MEMO1: variants seen among roughly 807,000 people sequenced by gnomAD.
The protein encoded by MEMO1 is protein MEMO1.
In MEMO1, 6 loss-of-function variants were observed where a neutral mutation model predicts 45.2. The ratio of observed to expected loss-of-function variants is 0.13; its 90% CI spans 0.07 to 0.26. MEMO1 has a LOEUF of 0.26. MEMO1 is among the 10% of genes least tolerant of loss of function. The pLI, the probability that MEMO1 is intolerant of heterozygous loss-of-function variation, is 1.00. For missense variants in MEMO1, 184 were observed against 370.5 expected (o/e 0.50, Z 4.13); for synonymous variants, 78 against 124.3 (o/e 0.63, Z 2.48).
At chr2:31,975,874 C>G (rs940373300) in intron 2 of MEMO1, among the ~76,000 whole-genome samples, 1 of 152,076 alleles carries the variant, frequency 6.6e-6, no homozygotes, top group Non-Finnish European at 1.5e-5. Context: ...AACTAAGACT[C>G]TTAATATAGT....
chr2:31,899,799 A>G (rs141466266), intron 6 of MEMO1, among the ~76,000 whole-genome samples: 19,833 of 152,280 alleles, frequency 0.13, 1,443 homozygotes, highest in Middle Eastern at 0.21. Context: ...CAAAGGGCTA[A>G]TATCTAGAAT....
intron 9 of MEMO1, 108 bp downstream of exon 9, chr2:31,869,740 C>A: frequency 8.3e-7 from 1 of 1,208,412 alleles, no homozygotes; most frequent in South Asian, 1.8e-5. Flanking sequence ...TAAAAAGAAA[C>A]TTGACCATAG....
intron 2 of MEMO1, among the ~76,000 whole-genome samples, chr2:31,965,016 C>T (rs1299196338): frequency 4.6e-5 from 7 of 151,828 alleles, no homozygotes; most frequent in Admixed American, 3.3e-4. Flanking sequence ...GAATTTGAGA[C>T]GAGTCTGGCC....
At chr2:31,941,879 C>A (rs1021358118) in intron 3 of MEMO1, among the ~76,000 whole-genome samples, 1 of 152,124 alleles carries the variant, frequency 6.6e-6, no homozygotes, top group African/African-American at 2.4e-5. Context: ...TAATAGTAGG[C>A]TCTTTATGTG....
At chr2:31,945,660 C>T (rs1572766183) in intron 2 of MEMO1, among the ~76,000 whole-genome samples, 1 of 152,346 alleles carries the variant, frequency 6.6e-6, no homozygotes, top group South Asian at 2.1e-4. Context: ...ATAACCATCT[C>T]TTTCAAATGA....
At chr2:31,954,622 C>A (rs997896435) in intron 2 of MEMO1, among the ~76,000 whole-genome samples, 2 of 152,042 alleles carry the variant, frequency 1.3e-5, no homozygotes, top group African/African-American at 4.8e-5. Context: ...CATCTGAAGT[C>A]AGGAGTTCAA....
chr2:32,002,298 CATATACAT>C (rs1673490752), intron 2 of MEMO1, among the ~76,000 whole-genome samples: 2 of 145,312 alleles, frequency 1.4e-5, no homozygotes, highest in South Asian at 4.2e-4. Flanking sequence ...TATACATATA[CATATACAT>C]ATATACATAC....
At chr2:31,959,339 T>A (rs1667745326) in intron 2 of MEMO1, among the ~76,000 whole-genome samples, 2 of 152,074 alleles carry the variant, frequency 1.3e-5, no homozygotes, top group Admixed American at 1.3e-4. Flanking sequence ...GAGATACAGG[T>A]ACTTGGGCAG....
intron 3 of MEMO1, among the ~76,000 whole-genome samples, chr2:31,936,729 TG>T: frequency 6.6e-6 from 1 of 152,308 alleles, no homozygotes; most frequent in Non-Finnish European, 1.5e-5. Context: ...GGGTCACAGG[TG>T]AACAGTATAA....
intron 2 of MEMO1, among the ~76,000 whole-genome samples, chr2:31,968,607 A>C (rs1459122844): frequency 6.6e-6 from 1 of 152,220 alleles, no homozygotes; most frequent in Non-Finnish European, 1.5e-5. Context: ...TTAATTACAA[A>C]GGAGGTCTCC....
intron 6 of MEMO1, among the ~76,000 whole-genome samples, chr2:31,904,517 C>T (rs1309904115): frequency 6.6e-6 from 1 of 152,212 alleles, no homozygotes; most frequent in Non-Finnish European, 1.5e-5. Context: ...GAACAGTACA[C>T]ACCTGTAACT....
At chr2:31,985,593 T>A (rs1469027866) in intron 2 of MEMO1, among the ~76,000 whole-genome samples, 1 of 152,240 alleles carries the variant, frequency 6.6e-6, no homozygotes, top group Non-Finnish European at 1.5e-5. Context: ...CCCAAAGTGC[T>A]GGGATTACAG....
intron 2 of MEMO1, among the ~76,000 whole-genome samples, chr2:31,984,964 G>C (rs912756184): frequency 6.6e-6 from 1 of 152,190 alleles, no homozygotes; most frequent in African/African-American, 2.4e-5. Context: ...GTTAACAGTA[G>C]GGGAAAATCG....
At chr2:31,943,546 T>C (rs1665861119) in intron 2 of MEMO1, among the ~76,000 whole-genome samples, 163 bp from the exon 3 acceptor site, 1 of 152,166 alleles carries the variant, frequency 6.6e-6, no homozygotes, top group South Asian at 2.1e-4. Flanking sequence ...AACTACACAG[T>C]CTCTAACAAG....
intron 2 of MEMO1, among the ~76,000 whole-genome samples, chr2:31,975,090 T>G (rs1669852945): frequency 6.6e-6 from 1 of 151,934 alleles, no homozygotes; most frequent in Admixed American, 6.6e-5. Flanking sequence ...GAGAATCGCT[T>G]GAAACTGGGA....
intron 6 of MEMO1, among the ~76,000 whole-genome samples, chr2:31,906,868 C>T (rs1012832049): frequency 6.6e-6 from 1 of 152,082 alleles, no homozygotes; most frequent in African/African-American, 2.4e-5. Context: ...AAAAGGTAGA[C>T]AAGGTGTAAG....
intron 3 of MEMO1, among the ~76,000 whole-genome samples, chr2:31,941,112 C>G (rs546832908): frequency 6.6e-6 from 1 of 152,200 alleles, no homozygotes; most frequent in African/African-American, 2.4e-5. Flanking sequence ...CCATATCACT[C>G]AGAATAAAAA....
At chr2:31,943,498 T>C in intron 2 of MEMO1, 115 bp from the exon 3 acceptor site, 2 of 762,136 alleles carry the variant, frequency 2.6e-6, no homozygotes, top group African/African-American at 1.7e-5. Flanking sequence ...TAATGCGCAA[T>C]AGGATCATCA....
chr2:31,890,670 T>A (rs531394318), intron 7 of MEMO1, among the ~76,000 whole-genome samples: 1 of 152,302 alleles, frequency 6.6e-6, no homozygotes, highest in South Asian at 2.1e-4. Flanking sequence ...TGCAACTACC[T>A]GCATATCCTA....
Sources: gnomAD v4.1 joint callset for allele counts (sites outside exome capture counted in the v4.1 genomes callset) on GRCh38, gnomAD v4.1.1 for gene constraint, MANE v1.5 for transcripts, NCBI Gene and HGNC (gene_info 2026-07-23, HGNC 2026-07-21) for gene names.